The following LMNTD1 variants were observed in gnomAD, a reference collection of about 807,000 sequenced individuals.
LMNTD1 encodes the protein lamin tail domain containing 1.
LMNTD1 carries 35 observed loss-of-function variants against 50.9 expected under a neutral mutation model. The observed-to-expected ratio is 0.69, with a 90% CI of 0.53 to 0.91. The LOEUF is 0.91. LMNTD1 is among the 40% of genes least tolerant of loss of function. The pLI is 0.00. For missense variants in LMNTD1, 470 were observed against 475.5 expected (o/e 0.99, Z 0.11); for synonymous variants, 153 against 161.9 (o/e 0.94, Z 0.42).
At chr12:25,573,704 A>G (rs921053726) in intron 1 of LMNTD1, among the ~76,000 whole-genome samples, 4 of 152,196 alleles carry the variant, frequency 2.6e-5, no homozygotes, top group African/African-American at 9.6e-5. Context: ...AATGGGGAGG[A>G]TAAAACTGAC....
chr12:25,593,155 A>G (rs2136483429), intron 1 of LMNTD1, among the ~76,000 whole-genome samples: 1 of 152,022 alleles, frequency 6.6e-6, no homozygotes, highest in East Asian at 1.9e-4. Context: ...ACTGAAGACA[A>G]AGGACATATA....
At chr12:25,488,148 T>A (rs1471563277) in intron 9 of LMNTD1, among the ~76,000 whole-genome samples, 1 of 145,412 alleles carries the variant, frequency 6.9e-6, no homozygotes, top group Non-Finnish European at 1.5e-5. Flanking sequence ...TTTGTGGCAT[T>A]CTCTGTATTT....
At chr12:25,598,755 A>C (rs1223451969) in intron 1 of LMNTD1, among the ~76,000 whole-genome samples, 3 of 152,070 alleles carry the variant, frequency 2.0e-5, no homozygotes, top group Admixed American at 2.0e-4. Flanking sequence ...ATGTAGAAGA[A>C]ATGGACACGT....
At chr12:25,512,003 C>T (rs1056809894) in intron 8 of LMNTD1, among the ~76,000 whole-genome samples, 8 of 152,166 alleles carry the variant, frequency 5.3e-5, no homozygotes, top group South Asian at 2.1e-4. Flanking sequence ...CCATTGCTCT[C>T]GTCTTTTCAT....
At chr12:25,605,624 G>C (rs1480812878) in intron 1 of LMNTD1, among the ~76,000 whole-genome samples, 3 of 152,126 alleles carry the variant, frequency 2.0e-5, no homozygotes, top group Non-Finnish European at 4.4e-5. Flanking sequence ...GCTTGTTTGT[G>C]TCAGGTTTGT....
intron 7 of LMNTD1, among the ~76,000 whole-genome samples, chr12:25,519,650 C>T (rs1047487499): frequency 6.0e-5 from 9 of 148,802 alleles, no homozygotes; most frequent in African/African-American, 1.7e-4. Flanking sequence ...TAGTGAAGAT[C>T]GCCAGCCTTC....
intron 1 of LMNTD1, among the ~76,000 whole-genome samples, chr12:25,619,390 T>C (rs934475335): frequency 7.9e-5 from 12 of 152,262 alleles, no homozygotes; most frequent in African/African-American, 2.6e-4. Flanking sequence ...ACGCAAAACA[T>C]ACAACAAAGT....
At chr12:25,500,887 G>A (rs777519647) in intron 9 of LMNTD1, among the ~76,000 whole-genome samples, 3 of 152,186 alleles carry the variant, frequency 2.0e-5, no homozygotes, top group Admixed American at 2.0e-4. Flanking sequence ...GCATTTGAGA[G>A]CCTGACTCTG....
chr12:25,555,188 G>T (rs1483474208), upstream of LMNTD1, among the ~76,000 whole-genome samples: 1 of 151,574 alleles, frequency 6.6e-6, no homozygotes, highest in Non-Finnish European at 1.5e-5. Flanking sequence ...ACTATTTATT[G>T]TTTAAATTCC....
At chr12:25,570,000 A>AAAG (rs1408975076) in intron 1 of LMNTD1, among the ~76,000 whole-genome samples, 1 of 152,244 alleles carries the variant, frequency 6.6e-6, no homozygotes, top group East Asian at 1.9e-4. Context: ...CGATGCCTTT[A>AAAG]GCAGTCAGAT....
intron 1 of LMNTD1, among the ~76,000 whole-genome samples, chr12:25,636,196 T>A (rs558348957): frequency 3.9e-5 from 6 of 152,160 alleles, no homozygotes; most frequent in African/African-American, 1.2e-4. Context: ...AGTAAACAGA[T>A]GACCCACAGA....
intron 9 of LMNTD1, chr12:25,502,999 G>C (rs1939472997): frequency 6.6e-6 from 1 of 152,208 alleles, no homozygotes; most frequent in Admixed American, 6.6e-5. Context: ...GGTTCACGTG[G>C]CTGTAGTTTT....
At chr12:25,611,278 G>T (rs1485048351) in intron 1 of LMNTD1, among the ~76,000 whole-genome samples, 1 of 152,162 alleles carries the variant, frequency 6.6e-6, no homozygotes, top group Non-Finnish European at 1.5e-5. Flanking sequence ...ATGAGGGCAA[G>T]GAGACCACGA....
At chr12:25,627,980 C>T (rs7967525) in intron 1 of LMNTD1, among the ~76,000 whole-genome samples, 15,398 of 150,496 alleles carry the variant, frequency 0.1, 1,131 homozygotes, top group African/African-American at 0.19. Flanking sequence ...TGGTGGCGCG[C>T]GCCTGTAGTC....
chr12:25,628,107 CAAAAAAAAAAAAAAAAA>C (rs58780549), intron 1 of LMNTD1, among the ~76,000 whole-genome samples: 1 of 52,450 alleles, frequency 1.9e-5, no homozygotes, highest in Non-Finnish European at 3.1e-5. Flanking sequence ...AACTCCGTCT[CAAAAAAAAAAAAAAAAA>C]AAAAAAAAAA....
At chr12:25,565,952 A>T (rs986818495) in intron 1 of LMNTD1, among the ~76,000 whole-genome samples, 5 of 152,162 alleles carry the variant, frequency 3.3e-5, no homozygotes, top group African/African-American at 4.8e-5. Context: ...TCCACTGAAA[A>T]GTCTGCTGCC....
chr12:25,597,203 A>G (rs1945860737), intron 1 of LMNTD1, among the ~76,000 whole-genome samples: 1 of 152,056 alleles, frequency 6.6e-6, no homozygotes, highest in African/African-American at 2.4e-5. Flanking sequence ...TATAAATAAT[A>G]ATATTGAATG....
At chr12:25,500,711 A>G (rs2135936567) in intron 9 of LMNTD1, among the ~76,000 whole-genome samples, 1 of 152,254 alleles carries the variant, frequency 6.6e-6, no homozygotes, top group African/African-American at 2.4e-5. Context: ...AAACGTTCAC[A>G]CGACAGGTGG....
At chr12:25,558,736 G>A (rs1944147332) in intron 1 of LMNTD1, among the ~76,000 whole-genome samples, 1 of 152,174 alleles carries the variant, frequency 6.6e-6, no homozygotes, top group African/African-American at 2.4e-5. Flanking sequence ...AAGAGAGCAT[G>A]TGCAGGGGAA....
Sources: allele counts gnomAD v4.1 joint callset (sites outside exome capture counted in the v4.1 genomes callset), GRCh38; gene constraint gnomAD v4.1.1; transcripts MANE v1.5; gene names NCBI Gene and HGNC (gene_info 2026-07-23, HGNC 2026-07-21).